RGS6: variants seen among roughly 807,000 people sequenced by gnomAD.
RGS6 encodes regulator of G-protein signaling 6.
Under a neutral mutation model 78.5 loss-of-function variants are expected in RGS6, and 30 were observed. The ratio of observed to expected loss-of-function variants is 0.38; its 90% CI spans 0.29 to 0.52. RGS6 has a LOEUF of 0.52. Among genes scored for constraint, RGS6 ranks in the 20% least tolerant of loss-of-function variants. The probability of loss-of-function intolerance (pLI) is 0.85; values close to 1 mark genes in which losing one functional copy is unlikely to be tolerated. For synonymous variants in RGS6, 206 were observed against 206.0 expected (o/e 1.00, Z 0.00); for missense variants, 495 against 609.7 (o/e 0.81, Z 1.98).
intron 2 of RGS6, among the ~76,000 whole-genome samples, chr14:72,304,017 C>G (rs2066685950): frequency 6.6e-6 from 1 of 152,224 alleles, no homozygotes; most frequent in Admixed American, 6.5e-5. Flanking sequence ...TGGGCCGTAC[C>G]CATTCCTCAA....
chr14:72,501,345 A>G lies in RGS6; in HGVS notation c.965+6083A>G, dbSNP rs2096722819. On this transcript the variant is annotated intron_variant, in intron 13 of 17. Transcript: ENST00000553525. ...TGTGCTTTAATTCTTTCTCCTTCTC[A>G]GACAAGCTATTCGATCTGGAAGTCC... Among the ~76,000 whole-genome samples, 6 of 152,288 alleles carry G rather than the reference A, an allele frequency of 3.9e-5. No homozygotes were observed. In the South Asian group the frequency reaches 1.2e-3, roughly 32 times the overall value.
chr14:72,126,413 C>T (rs1476998456), intron 2 of RGS6, among the ~76,000 whole-genome samples: 2 of 152,236 alleles, frequency 1.3e-5, no homozygotes, highest in African/African-American at 2.4e-5. Flanking sequence ...CTAGCCACCA[C>T]CTCCAGAGTA....
At chr14:72,280,857 A>G (rs900531288) in intron 2 of RGS6, among the ~76,000 whole-genome samples, 1 of 152,216 alleles carries the variant, frequency 6.6e-6, no homozygotes, top group African/African-American at 2.4e-5. Context: ...AGCACTCTTC[A>G]AACGGCCAAA....
intron 2 of RGS6, among the ~76,000 whole-genome samples, chr14:72,320,283 T>C (rs1335413432): frequency 6.6e-6 from 1 of 152,170 alleles, no homozygotes; most frequent in Non-Finnish European, 1.5e-5. Context: ...TGAGTTATTC[T>C]TTAAAAAACT....
chr14:72,278,328 G>GGT (rs1384146835), intron 2 of RGS6, among the ~76,000 whole-genome samples: 2 of 152,224 alleles, frequency 1.3e-5, no homozygotes, highest in African/African-American at 4.8e-5. Context: ...ACAGGCTCAT[G>GGT]GTGAGGGGTT....
intron 17 of RGS6, among the ~76,000 whole-genome samples, chr14:72,560,797 C>CGT (rs57504072): frequency 0.31 from 43,006 of 140,980 alleles, 7,250 homozygotes; most frequent in Non-Finnish European, 0.4. Flanking sequence ...ATTTTGTGGA[C>CGT]GTGTGTGTGT....
At chr14:71,910,568 T>C in the RGS6 span, among the ~76,000 whole-genome samples, 1 of 152,210 alleles carries the variant, frequency 6.6e-6, no homozygotes, top group Non-Finnish European at 1.5e-5. Context: ...TTATTTTTTG[T>C]TTCAGGGGTC....
At position 72,564,673 on chromosome 14, in the gene RGS6, G is replaced by A. The variant is rs935432908; in HGVS notation, c.*2206G>A. ...GGCTTTCTAAGCCAGGCTGCAGACA[G>A]GGCAGGGTTGGCTTCTTGGCCATTC... On this transcript the variant is annotated 3_prime_UTR_variant, in exon 18 of 18. Coordinates refer to ENST00000553525, the MANE Select transcript of RGS6 (RefSeq NM_001204424.2). 3.9e-5 allele frequency: 6 copies of A among 152,280 alleles called. No homozygotes were observed. Among genetic ancestry groups the A allele is most frequent in the Non-Finnish European group, 4.4e-5 (3 of 68,116 alleles). The allele number at this position is 152,280 out of a possible 1,614,324, so 9.4% of individuals were successfully genotyped here. A position where few individuals can be genotyped will look rare whatever the true frequency, so the allele number is the denominator to read the frequency against.
chr14:72,147,269 G>T (rs982418401), intron 2 of RGS6, among the ~76,000 whole-genome samples: 3 of 152,104 alleles, frequency 2.0e-5, no homozygotes, highest in Non-Finnish European at 4.4e-5. Context: ...GTGTTTTCAG[G>T]TATTTGTTAC....
the RGS6 span, among the ~76,000 whole-genome samples, chr14:71,912,818 C>CT: frequency 6.6e-6 from 1 of 151,610 alleles, no homozygotes; most frequent in East Asian, 1.9e-4. Context: ...CTACAGTTCA[C>CT]TTTTTTATTT....
At chr14:72,119,743 T>C (rs1162682982) in intron 2 of RGS6, among the ~76,000 whole-genome samples, 1 of 152,208 alleles carries the variant, frequency 6.6e-6, no homozygotes, top group African/African-American at 2.4e-5. Flanking sequence ...AGACTATAGG[T>C]ATATGCACAA....
chr14:72,256,173 G>A (rs908685742), intron 2 of RGS6, among the ~76,000 whole-genome samples: 1 of 152,108 alleles, frequency 6.6e-6, no homozygotes, highest in Non-Finnish European at 1.5e-5. Context: ...TCAGAGGCTA[G>A]GGTTTTTAAG....
intron 15 of RGS6, among the ~76,000 whole-genome samples, chr14:72,527,854 G>GA (rs1442858703): frequency 7.2e-5 from 11 of 152,162 alleles, no homozygotes; most frequent in African/African-American, 9.7e-5. Context: ...CCAAAGTCTG[G>GA]ATGTGATTCT....
At chr14:72,408,633 G>C (rs1397319741) in intron 3 of RGS6, among the ~76,000 whole-genome samples, 1 of 152,142 alleles carries the variant, frequency 6.6e-6, no homozygotes, top group African/African-American at 2.4e-5. Context: ...TATAGACCAA[G>C]AGTTTAGTTT....
chr14:72,393,457 G>C (rs185016324), intron 3 of RGS6, among the ~76,000 whole-genome samples: 5 of 152,288 alleles, frequency 3.3e-5, no homozygotes, highest in African/African-American at 1.2e-4. Context: ...TACAACCAGA[G>C]TCTAGAACCA....
At chr14:72,430,686 T>G (rs1378376984) in intron 3 of RGS6, among the ~76,000 whole-genome samples, 3 of 152,100 alleles carry the variant, frequency 2.0e-5, no homozygotes, top group Admixed American at 1.3e-4. Flanking sequence ...GGTTTTGGGG[T>G]TTTTTTCTGT....
intron 15 of RGS6, among the ~76,000 whole-genome samples, chr14:72,535,380 G>GT (rs964094970): frequency 6.6e-6 from 1 of 152,154 alleles, no homozygotes; most frequent in Non-Finnish European, 1.5e-5. Flanking sequence ...ATTATTGCCT[G>GT]TTTTTTTAAA....
intron 2 of RGS6, among the ~76,000 whole-genome samples, chr14:72,302,365 A>G (rs563485103): frequency 1.1e-4 from 17 of 152,256 alleles, no homozygotes; most frequent in Non-Finnish European, 2.1e-4. Flanking sequence ...TCTTTCAACC[A>G]GGGAACCAGG....
intron 2 of RGS6, among the ~76,000 whole-genome samples, chr14:72,036,297 A>C (rs1239132949): frequency 7.1e-6 from 1 of 140,718 alleles, no homozygotes; most frequent in Non-Finnish European, 1.5e-5. Flanking sequence ...TTTGTTTTTC[A>C]CCCATTGTAG....
Sources: allele counts gnomAD v4.1 joint callset (sites outside exome capture counted in the v4.1 genomes callset), GRCh38; gene constraint gnomAD v4.1.1; transcripts MANE v1.5; gene names NCBI Gene and HGNC (gene_info 2026-07-23, HGNC 2026-07-21).